The following SESTD1 variants were observed in gnomAD, a reference collection of about 807,000 sequenced individuals.
SESTD1 encodes the protein SEC14 and spectrin domain containing 1, also known as SEC14 domain and spectrin repeat-containing protein 1.
In SESTD1, 43 loss-of-function variants were observed where a neutral mutation model predicts 101.7. That is an observed-to-expected ratio of 0.42 (90% confidence interval 0.33 to 0.55). SESTD1 has a LOEUF of 0.55. Ranked by LOEUF, SESTD1 falls within the 20% of genes least tolerant of loss-of-function variation. The pLI, the probability that SESTD1 is intolerant of heterozygous loss-of-function variation, is 0.07. For missense variants in SESTD1, 647 were observed against 815.1 expected (o/e 0.79, Z 2.51); for synonymous variants, 283 against 286.8 (o/e 0.99, Z 0.13).
At chr2:179,248,863 T>G (rs1199013043) in intron 1 of SESTD1, among the ~76,000 whole-genome samples, 3 of 151,644 alleles carry the variant, frequency 2.0e-5, no homozygotes, top group Non-Finnish European at 4.4e-5. Flanking sequence ...GGAAAATTGC[T>G]TTAGCCCAGG....
intron 3 of SESTD1, among the ~76,000 whole-genome samples, chr2:179,180,986 T>C (rs2105483668): frequency 6.6e-6 from 1 of 152,296 alleles, no homozygotes; most frequent in South Asian, 2.1e-4. Flanking sequence ...AGAAATAAAG[T>C]ATCCAGGTAT....
intron 1 of SESTD1, among the ~76,000 whole-genome samples, chr2:179,194,604 G>A (rs990950201): frequency 2.6e-5 from 4 of 152,078 alleles, no homozygotes; most frequent in East Asian, 1.9e-4. Flanking sequence ...CCAGGAGTCC[G>A]GCCCTGGGAG....
chr2:179,179,448 G>T (rs2046070405), intron 3 of SESTD1, among the ~76,000 whole-genome samples: 2 of 152,084 alleles, frequency 1.3e-5, no homozygotes, highest in African/African-American at 4.8e-5. Flanking sequence ...AATGTTAGTG[G>T]ATTTCCTGGG....
In SESTD1 at chr2:179,172,105, A is replaced by G; in HGVS notation, c.369+15T>C. The G allele has an allele frequency of 6.8e-7, 1 of 1,480,258 alleles. No homozygotes were observed. Among genetic ancestry groups the G allele is most frequent in the Non-Finnish European group, 9.4e-7 (1 of 1,068,164 alleles). 91.7% of individuals were successfully genotyped at this position (1,480,258 alleles called of 1,614,324 possible). A position where few individuals can be genotyped will look rare whatever the true frequency, so the allele number is the denominator to read the frequency against. ...TAAAGATATAATGGACTTTAAAAAA[A>G]GAGATTACATTTACCTCAAAGCCAA... On this transcript the variant is annotated intron_variant, in intron 5 of 17. Transcript: ENST00000428443.
At position 179,183,088 on chromosome 2, in the gene SESTD1, G is replaced by A. The variant is rs2046146103; in HGVS notation, c.156C>T (p.Ser52=). 1.9e-6 allele frequency: 3 copies of A among 1,599,474 alleles called. No individual in the cohort carries two copies. The highest frequency in any genetic ancestry group is 2.6e-6 in the Non-Finnish European group (3 of 1,172,620). The change falls in exon 3 of 18, where the codon AGC becomes AGT. Residue 52 remains serine, a synonymous_variant. Transcript: ENST00000428443. The part of the protein sequence containing the change: ...ELSVTLDYLL[S]IPSEKCKARG... ...GACACCTTTAGAGTCACCTTGGAATGCTGAGTAGGTAGTCTAAGGTGACAC... is the reference window on the plus strand; with the variant it reads ...GACACCTTTAGAGTCACCTTGGAATACTGAGTAGGTAGTCTAAGGTGACAC...
intron 10 of SESTD1, among the ~76,000 whole-genome samples, chr2:179,130,166 A>G (rs1357259640): frequency 2.0e-5 from 3 of 152,148 alleles, no homozygotes; most frequent in African/African-American, 4.8e-5. Flanking sequence ...CCATATCTGT[A>G]AAATTTAGTA....
At chr2:179,248,538 G>C (rs1349038965) in intron 1 of SESTD1, among the ~76,000 whole-genome samples, 2 of 152,002 alleles carry the variant, frequency 1.3e-5, no homozygotes, top group Non-Finnish European at 2.9e-5. Flanking sequence ...GTAATCAAGG[G>C]GGGTTTATTG....
At position 179,229,480 on chromosome 2, in the gene SESTD1, G is replaced by A. The variant is rs547395630; in HGVS notation, c.-26+35019C>T. On this transcript the variant is annotated intron_variant, in intron 1 of 17. Transcript: ENST00000428443. ...AGTTTGCAGATGGTGGGACTTCTCA[G>A]CCTCCGTGATTACATGAGCCAGTTT... Among the ~76,000 whole-genome samples the A allele has an allele frequency of 3.6e-4, 55 of 151,966 alleles. 1 individual carries two copies. The South Asian group carries it at 0.011, about 29-fold the overall frequency.
chr2:179,208,877 A>C (rs2046619251), intron 1 of SESTD1, among the ~76,000 whole-genome samples: 1 of 134,686 alleles, frequency 7.4e-6, no homozygotes, highest in Non-Finnish European at 1.6e-5. Flanking sequence ...ACATCTCAAC[A>C]CTAATGTTGA....
intron 5 of SESTD1, among the ~76,000 whole-genome samples, chr2:179,167,477 T>C (rs2045854964): frequency 6.6e-6 from 1 of 152,158 alleles, no homozygotes; most frequent in Non-Finnish European, 1.5e-5. Context: ...AGAGAATGTA[T>C]AAGCATTTTC....
At chr2:179,166,136 G>C (rs186700648) in intron 5 of SESTD1, among the ~76,000 whole-genome samples, 1 of 152,308 alleles carries the variant, frequency 6.6e-6, no homozygotes, top group East Asian at 1.9e-4. Context: ...ATGTGGGCTA[G>C]TGTGAAAGTA....
intron 1 of SESTD1, among the ~76,000 whole-genome samples, chr2:179,237,280 T>C (rs2047082405): frequency 6.6e-6 from 1 of 152,130 alleles, no homozygotes; most frequent in Non-Finnish European, 1.5e-5. Flanking sequence ...CTTACAGAAA[T>C]TAGCACTGCT....
intron 6 of SESTD1, among the ~76,000 whole-genome samples, chr2:179,149,655 CGT>C: frequency 6.6e-6 from 1 of 152,222 alleles, no homozygotes; most frequent in East Asian, 1.9e-4. Context: ...CATTCAGATA[CGT>C]GTTTCTTTGA....
At chr2:179,131,001 T>C (rs894625211) in intron 10 of SESTD1, among the ~76,000 whole-genome samples, 1 of 149,622 alleles carries the variant, frequency 6.7e-6, no homozygotes, top group African/African-American at 2.6e-5. Flanking sequence ...ATAAAATAAA[T>C]CGATTTTCAA....
chr2:179,132,754 T>A (rs1337527132), intron 9 of SESTD1, among the ~76,000 whole-genome samples: 1 of 152,166 alleles, frequency 6.6e-6, no homozygotes, highest in Non-Finnish European at 1.5e-5. Flanking sequence ...AATCATAAGA[T>A]TTAGAGTTGG....
Position 179,101,978 on chromosome 2 carries a change from T to C in SESTD1, c.*7921A>G, listed in dbSNP as rs573862279. 6.6e-6 allele frequency: 1 copy of C among 152,314 alleles called. No individual in the cohort carries two copies. Among genetic ancestry groups the C allele is most frequent in the Admixed American group, 6.5e-5 (1 of 15,288 alleles). The allele number at this position is 152,314 out of a possible 1,614,324, so 9.4% of individuals were successfully genotyped here. ...GGCAGTCCAAAATCCTTAGTAGCCA[T>C]TCTGGAACTGCTATTGTTTATAGCA... On this transcript the variant is annotated 3_prime_UTR_variant, in exon 18 of 18. Coordinates refer to ENST00000428443, the MANE Select transcript of SESTD1 (RefSeq NM_178123.5).
intron 8 of SESTD1, 30 bp from the exon 9 acceptor site, chr2:179,143,833 T>C (rs769048085): frequency 6.2e-7 from 1 of 1,603,142 alleles, no homozygotes; most frequent in Admixed American, 1.7e-5. Flanking sequence ...TTGAAATTAA[T>C]ATCTGTAAAG....
At chr2:179,242,601 T>C (rs1019478269) in intron 1 of SESTD1, among the ~76,000 whole-genome samples, 13 of 152,298 alleles carry the variant, frequency 8.5e-5, no homozygotes, top group Admixed American at 5.9e-4. Flanking sequence ...AGCATGGTAC[T>C]GGTACAAAAA....
chr2:179,176,546 A>G lies in SESTD1; in HGVS notation c.165-8T>C. The G allele has an allele frequency of 6.2e-7, 1 of 1,608,200 alleles. No homozygotes were observed. Among genetic ancestry groups the G allele is most frequent in the Non-Finnish European group, 8.5e-7 (1 of 1,176,594 alleles). On this transcript the variant is annotated splice_polypyrimidine_tract_variant and splice_region_variant and intron_variant, in intron 3 of 17. Coordinates refer to ENST00000428443, the MANE Select transcript of SESTD1 (RefSeq NM_178123.5). Reference sequence around the variant, plus strand: ...CTAGCCTTACACTTCTCACTGAAACAAAATAAAATTACAAAGCATTAAAAC... The same window carrying G: ...CTAGCCTTACACTTCTCACTGAAACGAAATAAAATTACAAAGCATTAAAAC...
Sources: allele counts gnomAD v4.1 joint callset (sites outside exome capture counted in the v4.1 genomes callset), GRCh38; gene constraint gnomAD v4.1.1; transcripts MANE v1.5; gene names NCBI Gene and HGNC (gene_info 2026-07-23, HGNC 2026-07-21).